The following KIFAP3 variants were observed in gnomAD, a reference collection of about 807,000 sequenced individuals.
The protein encoded by KIFAP3 is kinesin associated protein 3.
A neutral mutation model predicts 106.5 loss-of-function variants in KIFAP3; 68 were observed. The observed-to-expected ratio is 0.64, with a 90% confidence interval of 0.53 to 0.78. The LOEUF is 0.78. KIFAP3 is among the 30% of genes least tolerant of loss of function. The probability of loss-of-function intolerance (pLI) is 0.00; values close to 1 mark genes in which losing one functional copy is unlikely to be tolerated. For missense variants in KIFAP3, 780 were observed against 941.8 expected (o/e 0.83, Z 2.25); for synonymous variants, 320 against 311.5 (o/e 1.03, Z -0.29).
chr1:170,010,852 C>T (rs1303982578), intron 10 of KIFAP3, among the ~76,000 whole-genome samples: 1 of 151,952 alleles, frequency 6.6e-6, no homozygotes, highest in Non-Finnish European at 1.5e-5. Context: ...CTAGTTGAAA[C>T]AGCATAAAAA....
Position 170,038,180 on chromosome 1 carries a change from T to TGCTACACACTCAA in KIFAP3, c.517+109_517+110insTTGAGTGTGTAGC, listed in dbSNP as rs1407518651. On this transcript the variant is annotated intron_variant, in intron 5 of 19. Transcript: ENST00000361580. ...AATGCTACACTCTCAATTTAAGAAA[T>TGCTACACACTCAA]CTGAGTAAGAAAGAAATAAAGAGCT... 9.6e-6 allele frequency: 8 copies of TGCTACACACTCAA among 837,596 alleles called. No individual in the cohort carries two copies. In the African/African-American group the frequency reaches 1.4e-4, roughly 15 times the overall value. 51.9% of individuals were successfully genotyped at this position (837,596 alleles called of 1,614,324 possible).
chr1:169,936,200 C>T (rs1030730153), intron 19 of KIFAP3, among the ~76,000 whole-genome samples: 1 of 3,532 alleles, frequency 2.8e-4, no homozygotes, highest in Non-Finnish European at 5.5e-4. Context: ...TGTTTTGTCT[C>T]TTGTTCCCTT....
At chr1:170,038,612 A>G (rs932749030) in intron 4 of KIFAP3, among the ~76,000 whole-genome samples, 181 bp from the exon 5 acceptor site, 3 of 152,310 alleles carry the variant, frequency 2.0e-5, no homozygotes, top group African/African-American at 7.2e-5. Flanking sequence ...CTCTAATACA[A>G]AACCCCATGA....
intron 1 of KIFAP3, among the ~76,000 whole-genome samples, chr1:170,084,102 C>A (rs1163791534): frequency 6.6e-6 from 1 of 152,156 alleles, no homozygotes; most frequent in Admixed American, 6.5e-5. Context: ...CCCAATGATA[C>A]ACCAACATGG....
At chr1:170,080,548 C>T (rs927274471) in intron 1 of KIFAP3, among the ~76,000 whole-genome samples, 1 of 152,018 alleles carries the variant, frequency 6.6e-6, no homozygotes, top group Admixed American at 6.6e-5. Context: ...TAAGGATATA[C>T]ATATACATAG....
intron 10 of KIFAP3, among the ~76,000 whole-genome samples, chr1:170,015,260 A>G (rs1668445812): frequency 6.6e-6 from 1 of 152,206 alleles, no homozygotes; most frequent in Non-Finnish European, 1.5e-5. Flanking sequence ...CTTCAGGCCA[A>G]TGGCTGTAAA....
chr1:170,019,063 G>A (rs534194895), intron 9 of KIFAP3, among the ~76,000 whole-genome samples: 1 of 152,084 alleles, frequency 6.6e-6, no homozygotes, highest in African/African-American at 2.4e-5. Flanking sequence ...AGATAAAAAG[G>A]AAACAGTACC....
chr1:170,026,818 G>A (rs1309400120), intron 8 of KIFAP3, among the ~76,000 whole-genome samples: 2 of 152,142 alleles, frequency 1.3e-5, no homozygotes, highest in Non-Finnish European at 2.9e-5. Flanking sequence ...CCTGAGAAGG[G>A]TCTTACCTCC....
In KIFAP3 at chr1:170,034,398, TCTTGC is replaced by T; in HGVS notation, c.711_715del (p.Trp237Ter). On this transcript the variant is annotated stop_gained and frameshift_variant, in exon 7 of 20. Coordinates refer to ENST00000361580, the MANE Select transcript of KIFAP3 (RefSeq NM_014970.4). LOFTEE classifies it high-confidence loss of function. ...AGCTTTCTTCTTCTTTGAGAGTTCT[TCTTGC>T]CAAAGCTCATGTCTTTTTAACTCAT... The T allele has an allele frequency of 6.2e-7, 1 of 1,606,422 alleles. No homozygotes were observed. The highest frequency in any genetic ancestry group is 8.5e-7 in the Non-Finnish European group (1 of 1,176,590).
At chr1:169,960,398 C>T (rs1665260842) in intron 18 of KIFAP3, among the ~76,000 whole-genome samples, 1 of 152,110 alleles carries the variant, frequency 6.6e-6, no homozygotes, top group South Asian at 2.1e-4. Flanking sequence ...GGCAACAGTA[C>T]AAAACAGTGA....
At chr1:170,030,988 T>A (rs1194055688) in intron 8 of KIFAP3, among the ~76,000 whole-genome samples, 1 of 151,860 alleles carries the variant, frequency 6.6e-6, no homozygotes, top group African/African-American at 2.4e-5. Flanking sequence ...TAAGAGAGTA[T>A]ACAATATTTG....
intron 6 of KIFAP3, 61 bp downstream of exon 6, chr1:170,035,393 G>A (rs1669634170): frequency 3.0e-6 from 3 of 1,000,860 alleles, no homozygotes; most frequent in Non-Finnish European, 4.4e-6. Flanking sequence ...TTGAATCAAT[G>A]ACACAGACAA....
intron 9 of KIFAP3, among the ~76,000 whole-genome samples, chr1:170,023,669 A>G (rs182515335): frequency 4.6e-5 from 7 of 152,206 alleles, no homozygotes; most frequent in African/African-American, 1.4e-4. Flanking sequence ...ATTATTGTAC[A>G]TAACAAAGAC....
intron 8 of KIFAP3, among the ~76,000 whole-genome samples, chr1:170,029,662 T>A (rs1477314391): frequency 1.3e-5 from 2 of 151,640 alleles, no homozygotes. Flanking sequence ...AAAAAAATTA[T>A]AAAGATCAAA....
In KIFAP3 at chr1:169,921,668, A is replaced by C. The variant is rs747178735; in HGVS notation, c.*8T>G. ...AAGCTGAGATTACACATGGAAACAGATACTTTATCAAGATCCATAGCCATA... is the reference window on the plus strand; with the variant it reads ...AAGCTGAGATTACACATGGAAACAGCTACTTTATCAAGATCCATAGCCATA... On this transcript the variant is annotated 3_prime_UTR_variant, in exon 20 of 20. Coordinates refer to ENST00000361580, the MANE Select transcript of KIFAP3 (RefSeq NM_014970.4). The C allele has an allele frequency of 6.2e-7, 1 of 1,602,674 alleles. No homozygotes were observed. Among genetic ancestry groups the C allele is most frequent in the African/African-American group, 1.3e-5 (1 of 74,852 alleles).
intron 19 of KIFAP3, among the ~76,000 whole-genome samples, chr1:169,953,772 C>T (rs942082455): frequency 6.6e-6 from 1 of 152,178 alleles, no homozygotes; most frequent in African/African-American, 2.4e-5. Flanking sequence ...CCTCGGCCTC[C>T]CAAAGTGCTG....
At chr1:169,972,643 G>T in intron 16 of KIFAP3, 45 bp from the exon 17 acceptor site, 1 of 947,080 alleles carries the variant, frequency 1.1e-6, no homozygotes, top group Non-Finnish European at 1.6e-6. Flanking sequence ...TGATATTGTG[G>T]CTAGTCAATA....
chr1:170,017,728 A>C (rs1158538937), intron 9 of KIFAP3, among the ~76,000 whole-genome samples: 1 of 152,240 alleles, frequency 6.6e-6, no homozygotes, highest in Non-Finnish European at 1.5e-5. Flanking sequence ...GAATACTCCT[A>C]AAATCCAAAG....
intron 1 of KIFAP3, among the ~76,000 whole-genome samples, chr1:170,081,108 A>C (rs1236799875): frequency 6.6e-6 from 1 of 152,194 alleles, no homozygotes; most frequent in Non-Finnish European, 1.5e-5. Context: ...TAAGAAATGA[A>C]ATGGTAAGTC....
Sources: gnomAD v4.1 joint callset for allele counts (sites outside exome capture counted in the v4.1 genomes callset) on GRCh38, gnomAD v4.1.1 for gene constraint, MANE v1.5 for transcripts, NCBI Gene and HGNC (gene_info 2026-07-23, HGNC 2026-07-21) for gene names.